The following PRKN variants were observed in gnomAD, a reference collection of about 807,000 sequenced individuals.
The protein encoded by PRKN is parkin RBR E3 ubiquitin protein ligase, also known as E3 ubiquitin-protein ligase parkin.
Under a neutral mutation model 59.5 loss-of-function variants are expected in PRKN, and 56 were observed. That is an observed-to-expected ratio of 0.94 (90% CI 0.76 to 1.18). PRKN has a LOEUF of 1.18. Ranked by LOEUF, PRKN falls within the 50% of genes most tolerant of loss-of-function variation. The pLI is 0.00. For synonymous variants in PRKN, 250 were observed against 222.1 expected, an observed-to-expected ratio of 1.13 and a Z score of -1.12; for missense variants, 657 against 596.4, an observed-to-expected ratio of 1.10 and a Z score of -1.06.
intron 4 of PRKN, among the ~76,000 whole-genome samples, chr6:162,059,184 T>C (rs1272570131): frequency 2.0e-5 from 3 of 152,210 alleles, no homozygotes; most frequent in Non-Finnish European, 4.4e-5. Context: ...CATCAGGTAC[T>C]ATGTTATCTG....
At chr6:161,601,695 G>C (rs970056543) in intron 7 of PRKN, among the ~76,000 whole-genome samples, 55 of 151,168 alleles carry the variant, frequency 3.6e-4, no homozygotes, top group Non-Finnish European at 1.0e-4. Context: ...CCATTCTCCT[G>C]CCTCAGCCTC....
Position 162,346,676 on chromosome 6 carries a change from C to T in PRKN, c.172-83911G>A, listed in dbSNP as rs199990319. On this transcript the variant is annotated intron_variant, in intron 2 of 11. Coordinates refer to ENST00000366898, the MANE Select transcript of PRKN (RefSeq NM_004562.3). ...AAAGTCCTCTATTTCTAGTTTGATA[C>T]GTTTTTAACCATGACTGCATGAGAA... 8.6e-5 allele frequency among the ~76,000 whole-genome samples: 13 copies of T among 152,016 alleles called. No homozygotes were observed. The East Asian group carries it at 1.5e-3, about 18-fold the overall frequency.
chr6:161,630,923 C>A (rs955342476), intron 7 of PRKN, among the ~76,000 whole-genome samples: 2 of 152,182 alleles, frequency 1.3e-5, no homozygotes, highest in African/African-American at 4.8e-5. Context: ...AAATGTTAGT[C>A]ACAGATAAAA....
At chr6:161,630,403 A>G (rs557627417) in intron 7 of PRKN, among the ~76,000 whole-genome samples, 115 of 152,306 alleles carry the variant, frequency 7.6e-4, no homozygotes, top group African/African-American at 2.2e-3. Flanking sequence ...TATGTCCCCA[A>G]TAAATGGAAG....
intron 1 of PRKN, among the ~76,000 whole-genome samples, chr6:162,636,160 C>CA (rs5881484): frequency 0.63 from 96,199 of 151,698 alleles, 31,707 homozygotes; most frequent in African/African-American, 0.82. Flanking sequence ...AATTTGCCCA[C>CA]AAAAAAGTTA....
chr6:162,192,442 ATTTTTTTTTTTTTTT>A (rs10534285), intron 4 of PRKN, among the ~76,000 whole-genome samples: 1 of 74,730 alleles, frequency 1.3e-5, no homozygotes, highest in African/African-American at 6.4e-5. Context: ...AATTATAGGG[ATTTTTTTTTTTTTTT>A]TTTTTTTTTT....
intron 9 of PRKN, among the ~76,000 whole-genome samples, chr6:161,520,392 T>C (rs966465735): frequency 6.6e-6 from 1 of 151,774 alleles, no homozygotes; most frequent in South Asian, 2.1e-4. Flanking sequence ...GCCCGGCTAA[T>C]TTTTTTTGTA....
chr6:162,243,302 G>A lies in PRKN; in HGVS notation c.412+19223C>T, dbSNP rs146034074. 2.3e-3 allele frequency among the ~76,000 whole-genome samples: 346 copies of A among 152,252 alleles called. 1 individual carries two copies. The highest frequency in any genetic ancestry group is 8.0e-3 in the African/African-American group (332 of 41,564). On this transcript the variant is annotated intron_variant, in intron 3 of 11. Coordinates refer to ENST00000366898, the MANE Select transcript of PRKN (RefSeq NM_004562.3). ...ACTAAGAAGTTGTATAGCAGTCACA[G>A]ACTCCAAGGGTTAATAAGAAGCCAT...
At chr6:161,559,888 G>C (rs2115456500) in intron 8 of PRKN, among the ~76,000 whole-genome samples, 1 of 152,260 alleles carries the variant, frequency 6.6e-6, no homozygotes, top group African/African-American at 2.4e-5. Flanking sequence ...ATCTGAAATG[G>C]ACAAGCCTCT....
At chr6:162,362,031 A>G (rs1242287465) in intron 2 of PRKN, among the ~76,000 whole-genome samples, 2 of 152,198 alleles carry the variant, frequency 1.3e-5, no homozygotes, top group African/African-American at 4.8e-5. Context: ...AATTGCTCAC[A>G]TTCTACACCG....
chr6:161,668,594 C>CTT (rs1784803273), intron 7 of PRKN, among the ~76,000 whole-genome samples: 1 of 152,146 alleles, frequency 6.6e-6, no homozygotes, highest in African/African-American at 2.4e-5. Context: ...TCCATTAATT[C>CTT]TTCTCTGTGT....
chr6:161,865,074 G>A (rs988165547), intron 6 of PRKN, among the ~76,000 whole-genome samples: 2 of 152,194 alleles, frequency 1.3e-5, no homozygotes, highest in African/African-American at 4.8e-5. Context: ...TGCAGAATGG[G>A]TGTTGTGTCA....
intron 2 of PRKN, among the ~76,000 whole-genome samples, chr6:162,369,442 C>T (rs979577965): frequency 6.6e-6 from 1 of 152,120 alleles, no homozygotes; most frequent in African/African-American, 2.4e-5. Context: ...AGGTGTGACT[C>T]TTACTATACT....
intron 1 of PRKN, among the ~76,000 whole-genome samples, chr6:162,657,832 C>A (rs1026764581): frequency 7.2e-5 from 11 of 152,096 alleles, no homozygotes; most frequent in Non-Finnish European, 1.5e-5. Context: ...CCAGGCCTAG[C>A]ACAAGCACCA....
chr6:161,989,320 A>G (rs1031077237), intron 5 of PRKN, among the ~76,000 whole-genome samples: 12 of 152,196 alleles, frequency 7.9e-5, no homozygotes, highest in Non-Finnish European at 1.2e-4. Flanking sequence ...TACCCGTTAC[A>G]GCTGGTGCCC....
intron 1 of PRKN, among the ~76,000 whole-genome samples, chr6:162,476,226 TTTTA>T (rs922319533): frequency 1.3e-5 from 2 of 152,026 alleles, no homozygotes; most frequent in South Asian, 2.1e-4. Context: ...CCCTACTTAT[TTTTA>T]TTTATTTATT....
intron 6 of PRKN, among the ~76,000 whole-genome samples, chr6:161,800,945 T>C (rs575739491): frequency 3.9e-4 from 59 of 152,298 alleles, no homozygotes; most frequent in Non-Finnish European, 6.5e-4. Flanking sequence ...GGCCCACTCC[T>C]GTGTTTTCTC....
intron 4 of PRKN, among the ~76,000 whole-genome samples, chr6:162,200,293 C>T (rs550799044): frequency 2.0e-5 from 3 of 152,052 alleles, no homozygotes; most frequent in Admixed American, 6.6e-5. Context: ...GCCACCGAGC[C>T]GGAACCTGAC....
At chr6:161,688,209 T>A (rs1358516156) in intron 7 of PRKN, among the ~76,000 whole-genome samples, 1 of 152,180 alleles carries the variant, frequency 6.6e-6, no homozygotes, top group Non-Finnish European at 1.5e-5. Flanking sequence ...ATAAATACCA[T>A]CAGTGGGGAC....
Sources: allele counts gnomAD v4.1 joint callset (sites outside exome capture counted in the v4.1 genomes callset), GRCh38; gene constraint gnomAD v4.1.1; transcripts MANE v1.5; gene names NCBI Gene and HGNC (gene_info 2026-07-23, HGNC 2026-07-21).